The following MORC1 variants were observed in gnomAD, a reference collection of about 807,000 sequenced individuals.
MORC1 encodes MORC family CW-type zinc finger 1.
A neutral mutation model predicts 134.9 loss-of-function variants in MORC1; 59 were observed. That is an observed-to-expected ratio of 0.44 (90% CI 0.35 to 0.54). The LOEUF (loss-of-function observed/expected upper bound fraction) is 0.54, where lower values mean the gene tolerates loss of function less well. Ranked by LOEUF, MORC1 falls within the 20% of genes least tolerant of loss-of-function variation. MORC1 has a pLI of 0.00. For synonymous variants in MORC1, 395 were observed against 391.7 expected (o/e 1.01, Z -0.10); for missense variants, 947 against 1,134.5 (o/e 0.83, Z 2.37).
At chr3:108,983,322 T>A (rs918041458) in intron 23 of MORC1, among the ~76,000 whole-genome samples, 2 of 152,136 alleles carry the variant, frequency 1.3e-5, no homozygotes, top group Admixed American at 6.6e-5. Flanking sequence ...GTCCCTACTC[T>A]CATGGAGTGC....
intron 1 of MORC1, among the ~76,000 whole-genome samples, chr3:109,116,679 CT>C (rs1951281906): frequency 6.6e-6 from 1 of 152,162 alleles, no homozygotes; most frequent in South Asian, 2.1e-4. Context: ...ACTCGGAAGG[CT>C]GAGGCTGGAG....
rs145188145 is a variant in MORC1, at chr3:109,088,033, T to C, written c.689+5403A>G. Among the ~76,000 whole-genome samples, 542 of 152,174 alleles carry C rather than the reference T, an allele frequency of 3.6e-3. 12 individuals are homozygous for C. Among genetic ancestry groups the C allele is most frequent in the African/African-American group, 0.012 (493 of 41,482 alleles). On this transcript the variant is annotated intron_variant, in intron 8 of 27. Coordinates refer to ENST00000232603, the MANE Select transcript of MORC1 (RefSeq NM_014429.4). ...TAACTGGCTAGCCATATGCAGAAGA[T>C]TGAAGCGGGACCCCTTCCTTATACC...
intron 3 of MORC1, among the ~76,000 whole-genome samples, chr3:109,108,955 G>A (rs1192592223): frequency 6.6e-6 from 1 of 151,036 alleles, no homozygotes; most frequent in Non-Finnish European, 1.5e-5. Flanking sequence ...ACTGCTCAAA[G>A]TTCTTCAGTG....
intron 8 of MORC1, among the ~76,000 whole-genome samples, chr3:109,071,582 G>A (rs1950317578): frequency 2.0e-5 from 3 of 152,170 alleles, no homozygotes; most frequent in Non-Finnish European, 1.5e-5. Context: ...AAAAAAATAG[G>A]TGGAGTCTGG....
intron 17 of MORC1, among the ~76,000 whole-genome samples, chr3:109,012,528 T>G (rs1447154138): frequency 6.6e-6 from 1 of 152,236 alleles, no homozygotes; most frequent in Non-Finnish European, 1.5e-5. Flanking sequence ...CTTAGCAATG[T>G]TGACTCTTCA....
intron 5 of MORC1, 44 bp from the exon 6 acceptor site, chr3:109,099,510 T>C (rs1293210331): frequency 2.1e-6 from 3 of 1,439,156 alleles, no homozygotes; most frequent in Non-Finnish European, 9.6e-7. Flanking sequence ...CCTCAAATAC[T>C]AAAAAGGAAG....
intron 1 of MORC1, among the ~76,000 whole-genome samples, chr3:109,117,365 A>G (rs1951296506): frequency 6.6e-6 from 1 of 151,810 alleles, no homozygotes; most frequent in Non-Finnish European, 1.5e-5. Context: ...AAACATAAAG[A>G]AAAACCCGGA....
chr3:109,035,541 T>A (rs1406485345), intron 14 of MORC1, 73 bp from the exon 15 acceptor site: 1 of 936,850 alleles, frequency 1.1e-6, no homozygotes, highest in Non-Finnish European at 1.6e-6. Flanking sequence ...CAAAGGGAAG[T>A]TTGTATATAC....
intron 9 of MORC1, among the ~76,000 whole-genome samples, chr3:109,065,064 C>T (rs1011558551): frequency 3.3e-5 from 5 of 152,184 alleles, no homozygotes; most frequent in Non-Finnish European, 7.3e-5. Flanking sequence ...CACTTTTCAT[C>T]CCTTCCACTA....
intron 21 of MORC1, among the ~76,000 whole-genome samples, chr3:108,989,628 T>C (rs1013172964): frequency 8.5e-5 from 13 of 152,180 alleles, no homozygotes; most frequent in Non-Finnish European, 1.6e-4. Flanking sequence ...ATCTGATTTC[T>C]TTACTTCTAC....
intron 23 of MORC1, among the ~76,000 whole-genome samples, chr3:108,980,243 A>G (rs1408434394): frequency 6.6e-6 from 1 of 152,176 alleles, no homozygotes; most frequent in Non-Finnish European, 1.5e-5. Flanking sequence ...GGGCAAGTTC[A>G]TGTAACTTTA....
intron 11 of MORC1, among the ~76,000 whole-genome samples, chr3:109,060,639 T>G (rs981215762): frequency 6.6e-6 from 1 of 152,072 alleles, no homozygotes; most frequent in African/African-American, 2.4e-5. Context: ...TGGCAAGTAT[T>G]CCATTTAAAA....
At chr3:109,111,362 A>G (rs1439597149) in intron 2 of MORC1, among the ~76,000 whole-genome samples, 2 of 152,182 alleles carry the variant, frequency 1.3e-5, no homozygotes, top group Non-Finnish European at 2.9e-5. Context: ...TCAGCACTAC[A>G]GTGGCAGAGT....
chr3:109,116,147 T>C (rs1951268668), intron 1 of MORC1, among the ~76,000 whole-genome samples: 1 of 152,184 alleles, frequency 6.6e-6, no homozygotes, highest in Non-Finnish European at 1.5e-5. Flanking sequence ...GAAGAGCTTG[T>C]ACTTGGCTGA....
At position 108,969,611 on chromosome 3, in the gene MORC1, ATCC is replaced by A. The variant is rs1475161162; in HGVS notation, c.2604+55_2604+57del. ...TAACATTTGGAAATGTACATTATTT[ATCC>A]TTTCGAACACAGGATCATTTAGAAT... On this transcript the variant is annotated intron_variant, in intron 26 of 27. Transcript: ENST00000232603. 5 of 1,493,066 alleles carry A rather than the reference ATCC, an allele frequency of 3.3e-6. No individual in the cohort carries two copies. In the African/African-American group the frequency reaches 6.9e-5, roughly 21 times the overall value. 92.5% of individuals were successfully genotyped at this position (1,493,066 alleles called of 1,614,324 possible). A position where few individuals can be genotyped will look rare whatever the true frequency, so the allele number is the denominator to read the frequency against.
In MORC1 at chr3:109,118,075, C is replaced by T. The variant is rs987773977; in HGVS notation, c.-16G>A. 4 of 1,602,906 alleles carry T rather than the reference C, an allele frequency of 2.5e-6. No homozygotes were observed. The highest frequency in any genetic ancestry group is 3.4e-6 in the Non-Finnish European group (4 of 1,174,758). ...TGTCGTCCATGCCCTCGAACACGAC[C>T]CGCGCAACTCAAGGGGACAAGGACA... On this transcript the variant is annotated 5_prime_UTR_variant, in exon 1 of 28. Transcript: ENST00000232603.
intron 14 of MORC1, among the ~76,000 whole-genome samples, chr3:109,051,985 C>T (rs559095770): frequency 2.0e-5 from 3 of 152,228 alleles, no homozygotes; most frequent in South Asian, 2.1e-4. Context: ...AATCTAATGC[C>T]TACCTCTTTC....
intron 9 of MORC1, among the ~76,000 whole-genome samples, chr3:109,068,491 A>C (rs1374424122): frequency 6.6e-6 from 1 of 152,206 alleles, no homozygotes; most frequent in Non-Finnish European, 1.5e-5. Context: ...CTTCACTTAG[A>C]ATAATAGTCT....
At chr3:108,970,144 G>A (rs531526518) in intron 25 of MORC1, among the ~76,000 whole-genome samples, 3 of 152,116 alleles carry the variant, frequency 2.0e-5, no homozygotes, top group South Asian at 2.1e-4. Flanking sequence ...GAAATTAGAC[G>A]AGGTTACCTA....
Sources: gnomAD v4.1 joint callset for allele counts (sites outside exome capture counted in the v4.1 genomes callset) on GRCh38, gnomAD v4.1.1 for gene constraint, MANE v1.5 for transcripts, NCBI Gene and HGNC (gene_info 2026-07-23, HGNC 2026-07-21) for gene names.